The following CADPS variants were observed in gnomAD, a reference collection of about 807,000 sequenced individuals.
The protein encoded by CADPS is calcium dependent secretion activator.
Under a neutral mutation model 167.3 loss-of-function variants are expected in CADPS, and 57 were observed. The ratio of observed to expected loss-of-function variants is 0.34; its 90% CI spans 0.28 to 0.42. CADPS has a LOEUF of 0.42. Among genes scored for constraint, CADPS ranks in the 20% least tolerant of loss-of-function variants. CADPS has a pLI of 1.00. For synonymous variants in CADPS, 676 were observed against 635.3 expected (o/e 1.06, Z -0.96); for missense variants, 1,414 against 1,738.1 (o/e 0.81, Z 3.32).
In CADPS at chr3:62,710,327, G is replaced by A. The variant is rs13075483; in HGVS notation, c.888+43114C>T. ...AACAAATACTGATTCCTGGGCCCTG[G>A]CCCAGACAATTAAATTAGACTCTTC... is the stretch of plus-strand genomic sequence containing the variant. On this transcript the variant is annotated intron_variant, in intron 3 of 29. Coordinates refer to ENST00000383710, the MANE Select transcript of CADPS (RefSeq NM_003716.4). 2.6e-5 allele frequency among the ~76,000 whole-genome samples: 4 copies of A among 151,384 alleles called. No homozygotes were observed. In the South Asian group the frequency reaches 6.3e-4, roughly 24 times the overall value.
chr3:62,615,633 C>T (rs960250372), intron 6 of CADPS, among the ~76,000 whole-genome samples: 2 of 152,094 alleles, frequency 1.3e-5, no homozygotes, highest in Admixed American at 6.6e-5. Flanking sequence ...GAGCAGAGAA[C>T]GCTTTGGCTA....
At chr3:62,607,544 A>G (rs1390620298) in intron 6 of CADPS, among the ~76,000 whole-genome samples, 1 of 152,230 alleles carries the variant, frequency 6.6e-6, no homozygotes, top group East Asian at 1.9e-4. Context: ...GTGTCTCTGA[A>G]TGGGGACCCA....
chr3:62,697,722 A>G (rs1304491648), intron 3 of CADPS, among the ~76,000 whole-genome samples: 1 of 152,126 alleles, frequency 6.6e-6, no homozygotes, highest in East Asian at 1.9e-4. Flanking sequence ...CATTCCTACC[A>G]GTAGTGTAGA....
chr3:62,658,079 G>A (rs1235880193), intron 4 of CADPS, among the ~76,000 whole-genome samples: 1 of 152,102 alleles, frequency 6.6e-6, no homozygotes, highest in East Asian at 1.9e-4. Context: ...AAGAATTGGG[G>A]GAGTCCTGTC....
At chr3:62,622,482 G>C (rs1339592789) in intron 6 of CADPS, among the ~76,000 whole-genome samples, 2 of 152,078 alleles carry the variant, frequency 1.3e-5, no homozygotes, top group African/African-American at 4.8e-5. Flanking sequence ...GGCAATTGTA[G>C]GCTTTCCAAT....
intron 24 of CADPS, among the ~76,000 whole-genome samples, chr3:62,472,131 T>C (rs762089382): frequency 3.9e-4 from 59 of 152,230 alleles, no homozygotes; most frequent in Non-Finnish European, 7.1e-4. Context: ...ATTTTGTTTA[T>C]ATGAAATGTT....
intron 3 of CADPS, among the ~76,000 whole-genome samples, chr3:62,715,812 A>C (rs1336560942): frequency 1.7e-5 from 2 of 117,392 alleles, no homozygotes; most frequent in African/African-American, 3.2e-5. Context: ...GCTGGAGTGC[A>C]GTGGCGCGAT....
intron 6 of CADPS, among the ~76,000 whole-genome samples, chr3:62,613,589 A>G (rs2061811805): frequency 6.6e-6 from 1 of 152,218 alleles, no homozygotes; most frequent in Non-Finnish European, 1.5e-5. Flanking sequence ...TCCAAAGAGC[A>G]TCATGAATGG....
At chr3:62,459,675 A>G (rs138054073) in intron 26 of CADPS, among the ~76,000 whole-genome samples, 92 of 152,292 alleles carry the variant, frequency 6.0e-4, no homozygotes, top group African/African-American at 2.1e-3. Flanking sequence ...TCTCTTTCTG[A>G]GTAATCACCA....
intron 1 of CADPS, among the ~76,000 whole-genome samples, chr3:62,800,895 T>G (rs11923879): frequency 0.011 from 1,742 of 152,310 alleles, 31 homozygotes; most frequent in African/African-American, 0.039. Context: ...AGCCCCCAGT[T>G]TAATTTTCCT....
chr3:62,561,078 CAAAAAAAAAA>C (rs34584073), intron 9 of CADPS, among the ~76,000 whole-genome samples: 2 of 83,586 alleles, frequency 2.4e-5, no homozygotes, highest in Non-Finnish European at 4.2e-5. Context: ...AACTCCATCT[CAAAAAAAAAA>C]AAAAAAAAAA....
intron 12 of CADPS, among the ~76,000 whole-genome samples, chr3:62,534,437 A>T (rs1445377475): frequency 6.6e-6 from 1 of 152,184 alleles, no homozygotes; most frequent in African/African-American, 2.4e-5. Flanking sequence ...TCCTGTTTCA[A>T]ATTATAAGTT....
In CADPS at chr3:62,478,022, C is replaced by T; in HGVS notation, c.3329+239G>A. 1 of 484,716 alleles carries T rather than the reference C, an allele frequency of 2.1e-6. No homozygotes were observed. Among genetic ancestry groups the T allele is most frequent in the East Asian group, 3.2e-5 (1 of 31,362 alleles). 30.0% of individuals were successfully genotyped at this position (484,716 alleles called of 1,614,324 possible). ...AAAGAATGGACAGGGATCTTTTCCT[C>T]TTAAAGCCAACAACCATGAAAAAAT... On this transcript the variant is annotated intron_variant, in intron 23 of 29. Coordinates refer to ENST00000383710, the MANE Select transcript of CADPS (RefSeq NM_003716.4). The surrounding 1 kb of genome is among the most constrained non-coding windows in gnomAD (Gnocchi z 5.7).
intron 10 of CADPS, among the ~76,000 whole-genome samples, chr3:62,554,856 G>A (rs766118333): frequency 2.0e-5 from 3 of 152,118 alleles, no homozygotes; most frequent in African/African-American, 4.8e-5. Context: ...AGGTTCAAGC[G>A]ATTCTCCTGC....
At chr3:62,695,861 C>T (rs79756195) in intron 3 of CADPS, among the ~76,000 whole-genome samples, 9,935 of 152,098 alleles carry the variant, frequency 0.065, 397 homozygotes, top group South Asian at 0.093. Context: ...GCCCCCAAAC[C>T]TGTTTTTGGC....
chr3:62,624,952 A>T (rs2063788210), intron 6 of CADPS, among the ~76,000 whole-genome samples: 1 of 151,318 alleles, frequency 6.6e-6, no homozygotes, highest in African/African-American at 2.5e-5. Context: ...CCTCATTCTG[A>T]AATTTGAAAC....
At chr3:62,492,246 T>C in intron 20 of CADPS, 44 bp downstream of exon 20, 1 of 1,555,330 alleles carries the variant, frequency 6.4e-7, no homozygotes, top group Non-Finnish European at 8.9e-7. Context: ...TCTGTTTATC[T>C]GCACACTACT....
rs183376734 is a variant in CADPS, at chr3:62,495,389, G to A, written c.2707-1724C>T. Among the ~76,000 whole-genome samples, 19 of 152,304 alleles carry A rather than the reference G, an allele frequency of 1.2e-4. No homozygotes were observed. In the East Asian group the frequency reaches 3.5e-3, roughly 28 times the overall value. Reference sequence around the variant, plus strand: ...TTAAATGAACAGAATCTGTGTGACCGGGTTGGGAAAGGCCAGGCTTTAAAA... The same window carrying A: ...TTAAATGAACAGAATCTGTGTGACCAGGTTGGGAAAGGCCAGGCTTTAAAA... On this transcript the variant is annotated intron_variant, in intron 18 of 29. Coordinates refer to ENST00000383710, the MANE Select transcript of CADPS (RefSeq NM_003716.4).
rs1257943183 is a variant in CADPS, at chr3:62,446,269, C to G, written c.3637-472G>C. Among the ~76,000 whole-genome samples, 1 of 152,122 alleles carries G rather than the reference C, an allele frequency of 6.6e-6. No individual in the cohort carries two copies. The highest frequency in any genetic ancestry group is 2.4e-5 in the African/African-American group (1 of 41,416). ...AAGAGGAAGATGGACATCCTCAACCCAGAGGGAGATGGTGTCTGCGGGTAG... is the reference window on the plus strand; with the variant it reads ...AAGAGGAAGATGGACATCCTCAACCGAGAGGGAGATGGTGTCTGCGGGTAG... On this transcript the variant is annotated intron_variant, in intron 26 of 29. Coordinates refer to ENST00000383710, the MANE Select transcript of CADPS (RefSeq NM_003716.4). This position sits in a 1 kb window ranked among gnomAD's most constrained non-coding sequence, Gnocchi z 4.9.
Sources: allele counts gnomAD v4.1 joint callset (sites outside exome capture counted in the v4.1 genomes callset), GRCh38; gene constraint gnomAD v4.1.1; non-coding constraint Gnocchi (gnomAD v3.1); transcripts MANE v1.5; gene names NCBI Gene and HGNC (gene_info 2026-07-23, HGNC 2026-07-21).